The following PLEKHA5 variants were observed in gnomAD, a reference collection of about 807,000 sequenced individuals.
PLEKHA5 encodes the protein pleckstrin homology domain-containing family A member 5.
A neutral mutation model predicts 181.9 loss-of-function variants in PLEKHA5; 55 were observed. That is an observed-to-expected ratio of 0.30 (90% CI 0.24 to 0.38). The LOEUF (loss-of-function observed/expected upper bound fraction) is 0.38. Ranked by LOEUF, PLEKHA5 falls within the 10% of genes least tolerant of loss-of-function variation. The pLI is 1.00. For missense variants in PLEKHA5, 1,432 were observed against 1,549.5 expected, an observed-to-expected ratio of 0.92 and a Z score of 1.27; for synonymous variants, 535 against 529.4, an observed-to-expected ratio of 1.01 and a Z score of -0.15.
chr12:19,341,700 C>G (rs2093942696), intron 21 of PLEKHA5, among the ~76,000 whole-genome samples: 1 of 151,892 alleles, frequency 6.6e-6, no homozygotes, highest in Non-Finnish European at 1.5e-5. Flanking sequence ...TTTTGATCAA[C>G]TCCCAAGTGC....
At chr12:19,296,322 G>A (rs1386455814) in intron 15 of PLEKHA5, among the ~76,000 whole-genome samples, 3 of 152,032 alleles carry the variant, frequency 2.0e-5, no homozygotes, top group Non-Finnish European at 4.4e-5. Context: ...CAAGGTGGGT[G>A]GATCACCTGA....
At chr12:19,216,987 G>A (rs978121756) in intron 3 of PLEKHA5, among the ~76,000 whole-genome samples, 1 of 152,092 alleles carries the variant, frequency 6.6e-6, no homozygotes, top group Non-Finnish European at 1.5e-5. Flanking sequence ...TATTTTGATT[G>A]TGTTTTATAG....
At chr12:19,371,998 G>A (rs1425099076) in intron 31 of PLEKHA5, 1 of 151,904 alleles carries the variant, frequency 6.6e-6, no homozygotes, top group East Asian at 1.9e-4. Context: ...TTAAATTATG[G>A]CCATTCTTTT....
Position 19,257,392 on chromosome 12 carries a change from C to T in PLEKHA5, c.433-41C>T, listed in dbSNP as rs368191379. ...AGGAAGATAAGCTCAAATCTCTAGG[C>T]ATTAATACCACATTTTCTGTCATGC... On this transcript the variant is annotated intron_variant, in intron 5 of 31. Transcript: ENST00000429027. The T allele has an allele frequency of 3.3e-4, 299 of 914,700 alleles. No homozygotes were observed. The African/African-American group carries it at 4.5e-3, about 14-fold the overall frequency. 56.7% of individuals were successfully genotyped at this position (914,700 alleles called of 1,614,324 possible).
chr12:19,306,660 C>G (rs1236723896), intron 15 of PLEKHA5: 16 of 1,433,998 alleles, frequency 1.1e-5, no homozygotes, highest in Non-Finnish European at 1.6e-5. Flanking sequence ...GGTGACTGAT[C>G]TCCCCGGGCG....
intron 3 of PLEKHA5, among the ~76,000 whole-genome samples, chr12:19,246,199 C>T (rs1012047807): frequency 1.3e-5 from 2 of 151,596 alleles, no homozygotes; most frequent in Non-Finnish European, 2.9e-5. Context: ...ATGATGGTCT[C>T]GAACTCTTGA....
At chr12:19,137,046 T>A (rs917889166) in intron 3 of PLEKHA5, among the ~76,000 whole-genome samples, 1 of 147,604 alleles carries the variant, frequency 6.8e-6, no homozygotes, top group African/African-American at 2.5e-5. Flanking sequence ...TATACTTTAC[T>A]TTTTTTTTTT....
intron 3 of PLEKHA5, among the ~76,000 whole-genome samples, chr12:19,248,957 C>G (rs1037120249): frequency 1.3e-5 from 2 of 152,110 alleles, no homozygotes; most frequent in African/African-American, 4.8e-5. Flanking sequence ...TTTTCTACAG[C>G]TTCTATTATA....
intron 25 of PLEKHA5, among the ~76,000 whole-genome samples, chr12:19,351,675 AAAG>A (rs1194203011): frequency 6.6e-6 from 1 of 152,198 alleles, no homozygotes; most frequent in Non-Finnish European, 1.5e-5. Flanking sequence ...CCAAAAAAGA[AAAG>A]AAGCTGGAGA....
At chr12:19,240,208 T>C (rs529499424) in intron 3 of PLEKHA5, among the ~76,000 whole-genome samples, 1 of 152,218 alleles carries the variant, frequency 6.6e-6, no homozygotes, top group Non-Finnish European at 1.5e-5. Context: ...TTGACTCTAC[T>C]GGAAAGAATG....
intron 3 of PLEKHA5, among the ~76,000 whole-genome samples, chr12:19,250,017 A>G (rs2152512644): frequency 6.6e-6 from 1 of 152,290 alleles, no homozygotes; most frequent in African/African-American, 2.4e-5. Flanking sequence ...TAAACTGTTT[A>G]GCAGCACCCT....
In PLEKHA5 at chr12:19,306,558, C is replaced by A; in HGVS notation, c.2038-8256C>A. The A allele has an allele frequency of 5.2e-6, 4 of 763,814 alleles. No homozygotes were observed. In the South Asian group the frequency reaches 5.4e-5, roughly 10 times the overall value. The allele number at this position is 763,814 out of a possible 1,614,324, so 47.3% of individuals were successfully genotyped here. On this transcript the variant is annotated intron_variant, in intron 15 of 31. Transcript: ENST00000429027. ...GCGAGCAGCGCCGTGAGCAACACTA[C>A]CATCGTCCCCAGCACTGCGGATCCG...
chr12:19,165,400 G>A (rs1015092879), intron 3 of PLEKHA5, among the ~76,000 whole-genome samples: 6 of 151,300 alleles, frequency 4.0e-5, no homozygotes, highest in Admixed American at 2.6e-4. Flanking sequence ...TTTAGAAACC[G>A]AGGATATGAG....
chr12:19,306,447 G>T (rs2083631154), intron 15 of PLEKHA5: 1 of 603,788 alleles, frequency 1.7e-6, no homozygotes, highest in African/African-American at 1.9e-5. Context: ...AGAGGCTGTA[G>T]CATCGGATAC....
chr12:19,324,648 T>C (rs550638963), intron 20 of PLEKHA5, among the ~76,000 whole-genome samples: 76 of 152,228 alleles, frequency 5.0e-4, no homozygotes, highest in African/African-American at 1.7e-3. Context: ...CAAGGATAGG[T>C]AGGATTTGGA....
chr12:19,137,314 A>G (rs2035949967), intron 3 of PLEKHA5, among the ~76,000 whole-genome samples: 1 of 152,098 alleles, frequency 6.6e-6, no homozygotes. Flanking sequence ...TGGGATTACC[A>G]CCACCCCTGG....
chr12:19,267,811 A>C (rs2071031493), intron 8 of PLEKHA5, among the ~76,000 whole-genome samples: 1 of 150,878 alleles, frequency 6.6e-6, no homozygotes, highest in Non-Finnish European at 1.5e-5. Context: ...TAAAAATACA[A>C]AATTAGCCAG....
At chr12:19,360,115 T>C (rs1592630671) in intron 28 of PLEKHA5, among the ~76,000 whole-genome samples, 1 of 151,848 alleles carries the variant, frequency 6.6e-6, no homozygotes, top group South Asian at 2.1e-4. Context: ...GCGGATCACT[T>C]GAGCCCAGAA....
intron 15 of PLEKHA5, among the ~76,000 whole-genome samples, chr12:19,298,351 G>C (rs896571791): frequency 6.7e-6 from 1 of 150,000 alleles, no homozygotes; most frequent in African/African-American, 2.5e-5. Context: ...CCTATTTAGT[G>C]CTCTTACATT....
Sources: gnomAD v4.1 joint callset for allele counts (sites outside exome capture counted in the v4.1 genomes callset) on GRCh38, gnomAD v4.1.1 for gene constraint, MANE v1.5 for transcripts, NCBI Gene and HGNC (gene_info 2026-07-23, HGNC 2026-07-21) for gene names.